PDE10A: variants seen among roughly 807,000 people sequenced by gnomAD.
The protein encoded by PDE10A is cAMP and cAMP-inhibited cGMP 3',5'-cyclic phosphodiesterase 10A.
Under a neutral mutation model 97.7 loss-of-function variants are expected in PDE10A, and 39 were observed. The ratio of observed to expected loss-of-function variants is 0.40; its 90% CI spans 0.31 to 0.52. The LOEUF (loss-of-function observed/expected upper bound fraction) is 0.52. Among genes scored for constraint, PDE10A ranks in the 20% least tolerant of loss-of-function variants. PDE10A has a pLI of 0.56. For synonymous variants in PDE10A, 371 were observed against 376.8 expected, an observed-to-expected ratio of 0.98 and a Z score of 0.18; for missense variants, 731 against 1,047.8, an observed-to-expected ratio of 0.70 and a Z score of 4.17.
At chr6:165,521,110 A>T (rs1782103843) in intron 2 of PDE10A, among the ~76,000 whole-genome samples, 2 of 152,146 alleles carry the variant, frequency 1.3e-5, no homozygotes, top group African/African-American at 4.8e-5. Flanking sequence ...CTTTTTCATC[A>T]TTATATCTGT....
intron 17 of PDE10A, among the ~76,000 whole-genome samples, chr6:165,380,627 A>T (rs1226678561): frequency 6.6e-6 from 1 of 152,220 alleles, no homozygotes; most frequent in East Asian, 1.9e-4. Flanking sequence ...TTCAAATTAT[A>T]AAACTTATAT....
At chr6:165,357,522 G>A (rs554833778) in intron 18 of PDE10A, among the ~76,000 whole-genome samples, 1 of 151,436 alleles carries the variant, frequency 6.6e-6, no homozygotes, top group Admixed American at 6.6e-5. Context: ...GGGATGGGTG[G>A]TTTGTTTGTT....
At chr6:165,658,524 G>A (rs770387437) in intron 1 of PDE10A, among the ~76,000 whole-genome samples, 1 of 152,188 alleles carries the variant, frequency 6.6e-6, no homozygotes, top group Non-Finnish European at 1.5e-5. Context: ...GCTTCTGACT[G>A]TTCTCCTTAT....
chr6:165,887,195 A>G (rs1405810964), intron 1 of PDE10A, among the ~76,000 whole-genome samples: 1 of 152,200 alleles, frequency 6.6e-6, no homozygotes, highest in Non-Finnish European at 1.5e-5. Context: ...TCAGGGGTGA[A>G]GAAGGAGCCT....
At chr6:165,426,242 G>C (rs968946687) in intron 10 of PDE10A, among the ~76,000 whole-genome samples, 1 of 152,116 alleles carries the variant, frequency 6.6e-6, no homozygotes, top group African/African-American at 2.4e-5. Flanking sequence ...AGAGCTAAAA[G>C]AATCTTGAAA....
At chr6:165,886,665 T>C (rs1781640142) in intron 1 of PDE10A, among the ~76,000 whole-genome samples, 2 of 152,202 alleles carry the variant, frequency 1.3e-5, no homozygotes, top group South Asian at 2.1e-4. Flanking sequence ...CTGTATCACA[T>C]GTTGGCTTGG....
At chr6:165,644,754 G>C (rs901198472) in intron 1 of PDE10A, among the ~76,000 whole-genome samples, 1 of 152,198 alleles carries the variant, frequency 6.6e-6, no homozygotes, top group African/African-American at 2.4e-5. Flanking sequence ...TTCCCCTGTG[G>C]AAGGCCAGAT....
intron 1 of PDE10A, among the ~76,000 whole-genome samples, chr6:165,824,908 T>G (rs536890347): frequency 1.4e-5 from 2 of 144,264 alleles, no homozygotes; most frequent in Non-Finnish European, 3.0e-5. Context: ...GGCAGGTGGA[T>G]CCACCTAAGT....
chr6:165,723,107 A>T (rs1311326525), intron 1 of PDE10A, among the ~76,000 whole-genome samples: 1 of 151,984 alleles, frequency 6.6e-6, no homozygotes, highest in African/African-American at 2.4e-5. Flanking sequence ...ATCTCCACTG[A>T]CTCACAATCT....
upstream of PDE10A, among the ~76,000 whole-genome samples, chr6:165,668,129 A>G (rs1790542236): frequency 6.6e-6 from 1 of 152,232 alleles, no homozygotes; most frequent in Non-Finnish European, 1.5e-5. Context: ...AGTGTGAGAT[A>G]ATTATATTTC....
intron 1 of PDE10A, among the ~76,000 whole-genome samples, chr6:165,656,509 G>A (rs2128428488): frequency 6.6e-6 from 1 of 151,806 alleles, no homozygotes; most frequent in Non-Finnish European, 1.5e-5. Flanking sequence ...CAGAATCCCA[G>A]CTCCAGCACA....
chr6:165,365,159 TAAGA>T (rs1783689799), intron 18 of PDE10A, among the ~76,000 whole-genome samples: 2 of 152,120 alleles, frequency 1.3e-5, no homozygotes, highest in Middle Eastern at 3.4e-3. Context: ...ATGGATTATA[TAAGA>T]AAGGAAGAAA....
intron 1 of PDE10A, among the ~76,000 whole-genome samples, chr6:165,979,768 C>T (rs891542053): frequency 6.6e-6 from 1 of 152,120 alleles, no homozygotes; most frequent in Non-Finnish European, 1.5e-5. Flanking sequence ...TGAGGAATCT[C>T]GAAATATATA....
At chr6:165,800,212 T>C (rs1778945728) in intron 1 of PDE10A, among the ~76,000 whole-genome samples, 1 of 152,198 alleles carries the variant, frequency 6.6e-6, no homozygotes, top group African/African-American at 2.4e-5. Flanking sequence ...TGCTGAGCCC[T>C]GAACAACAGC....
At chr6:165,902,831 C>T (rs749662256) in intron 1 of PDE10A, among the ~76,000 whole-genome samples, 1 of 152,316 alleles carries the variant, frequency 6.6e-6, no homozygotes. Flanking sequence ...AACAGTGAGT[C>T]CCTGGAGAAG....
chr6:165,839,897 T>TCTTATCTTCATCTCCATC (rs1780187618), intron 1 of PDE10A, among the ~76,000 whole-genome samples: 1 of 5,496 alleles, frequency 1.8e-4, no homozygotes, highest in Non-Finnish European at 4.0e-4. Context: ...CCATCCCCAT[T>TCTTATCTTCATCTCCATC]CCCATCTCCA....
chr6:165,670,117 G>A (rs540893035), intron 1 of PDE10A, among the ~76,000 whole-genome samples: 4 of 152,304 alleles, frequency 2.6e-5, no homozygotes, highest in Admixed American at 6.5e-5. Context: ...AATGGTGGAC[G>A]GCTCCTGGGG....
At chr6:165,534,034 A>G (rs1205289317) in intron 2 of PDE10A, among the ~76,000 whole-genome samples, 1 of 152,076 alleles carries the variant, frequency 6.6e-6, no homozygotes, top group East Asian at 1.9e-4. Context: ...AGAATAGGCA[A>G]TTTTATGGTG....
intron 18 of PDE10A, among the ~76,000 whole-genome samples, chr6:165,368,970 G>A (rs917545579): frequency 2.0e-5 from 3 of 152,150 alleles, no homozygotes; most frequent in Non-Finnish European, 4.4e-5. Flanking sequence ...GGCAAACAGG[G>A]TCTGGAGTGG....
Sources: allele counts gnomAD v4.1 joint callset (sites outside exome capture counted in the v4.1 genomes callset), GRCh38; gene constraint gnomAD v4.1.1; transcripts MANE v1.5; gene names NCBI Gene and HGNC (gene_info 2026-07-23, HGNC 2026-07-21).